Variants in MYO3A observed in about 807,000 individuals in gnomAD.
MYO3A encodes myosin-IIIa.
A neutral mutation model predicts 192.7 loss-of-function variants in MYO3A; 180 were observed. That is an observed-to-expected ratio of 0.93 (90% CI 0.83 to 1.06). MYO3A has a LOEUF of 1.06. Among genes scored for constraint, MYO3A ranks in the 50% least tolerant of loss-of-function variants. MYO3A has a pLI of 0.00. For missense variants in MYO3A, 1,896 were observed against 1,905.0 expected (o/e 1.00, Z 0.09); for synonymous variants, 628 against 645.3 (o/e 0.97, Z 0.41).
chr10:25,934,866 G>GT (rs1294542528), intron 1 of MYO3A, among the ~76,000 whole-genome samples: 1 of 152,070 alleles, frequency 6.6e-6, no homozygotes, highest in Non-Finnish European at 1.5e-5. Flanking sequence ...GAAGGGTGGC[G>GT]TAAGGGGTGA....
At chr10:26,022,099 A>T (rs1338825964) in intron 8 of MYO3A, 1 of 153,284 alleles carries the variant, frequency 6.5e-6, no homozygotes, top group Non-Finnish European at 1.5e-5. Context: ...CCAGAAAATA[A>T]TGGTTTTAAA....
intron 10 of MYO3A, among the ~76,000 whole-genome samples, chr10:26,059,432 T>C (rs1421192314): frequency 6.6e-6 from 1 of 152,224 alleles, no homozygotes; most frequent in Non-Finnish European, 1.5e-5. Flanking sequence ...CTGCATCTAT[T>C]GATATGATCA....
At chr10:26,144,477 C>A (rs188741038) in intron 21 of MYO3A, among the ~76,000 whole-genome samples, 14 of 151,516 alleles carry the variant, frequency 9.2e-5, no homozygotes, top group Admixed American at 8.6e-4. Flanking sequence ...AAACTGACCC[C>A]AAAGTGGTGG....
At chr10:26,126,791 T>C (rs1839244547) in intron 19 of MYO3A, among the ~76,000 whole-genome samples, 1 of 152,134 alleles carries the variant, frequency 6.6e-6, no homozygotes, top group African/African-American at 2.4e-5. Context: ...CACTGTAGCC[T>C]ATGTACTAAA....
At chr10:26,175,444 G>T (rs1182672887) in intron 30 of MYO3A, among the ~76,000 whole-genome samples, 1 of 152,150 alleles carries the variant, frequency 6.6e-6, no homozygotes, top group Admixed American at 6.5e-5. Flanking sequence ...GTAATCAATG[G>T]TGTATGAAGT....
chr10:26,095,728 C>G (rs137932320), intron 15 of MYO3A, among the ~76,000 whole-genome samples: 250 of 152,296 alleles, frequency 1.6e-3, no homozygotes, highest in African/African-American at 5.9e-3. Context: ...CTGGAAAATG[C>G]TAGTTATGCT....
chr10:26,003,921 TA>T (rs1194152065), intron 6 of MYO3A, among the ~76,000 whole-genome samples: 1 of 152,164 alleles, frequency 6.6e-6, no homozygotes, highest in Non-Finnish European at 1.5e-5. Flanking sequence ...CCCCAATGCA[TA>T]ATGTAGGTCA....
At chr10:26,120,087 C>T (rs1457519406) in intron 17 of MYO3A, among the ~76,000 whole-genome samples, 1 of 151,972 alleles carries the variant, frequency 6.6e-6, no homozygotes, top group South Asian at 2.1e-4. Context: ...TCACTTCAGC[C>T]CAGGAGGCAG....
At chr10:26,096,759 GA>G in intron 17 of MYO3A, 77 bp downstream of exon 17, 1 of 994,736 alleles carries the variant, frequency 1.0e-6, no homozygotes, top group Non-Finnish European at 1.6e-6. Flanking sequence ...TTTATTGAGT[GA>G]TTAATATATA....
At chr10:26,147,146 A>G (rs1228834119) in intron 22 of MYO3A, among the ~76,000 whole-genome samples, 2 of 152,208 alleles carry the variant, frequency 1.3e-5, no homozygotes, top group Non-Finnish European at 1.5e-5. Context: ...AAACAGAGAA[A>G]AGAAACATAC....
intron 18 of MYO3A, 77 bp from the exon 19 acceptor site, chr10:26,125,321 G>A: frequency 7.6e-7 from 1 of 1,311,788 alleles, no homozygotes; most frequent in Non-Finnish European, 1.1e-6. Flanking sequence ...GAAGAAGGCA[G>A]ATTAAGACAT....
chr10:26,108,471 G>A (rs763237560), intron 17 of MYO3A, among the ~76,000 whole-genome samples: 1 of 152,180 alleles, frequency 6.6e-6, no homozygotes, highest in Non-Finnish European at 1.5e-5. Context: ...GTGTAGAAAT[G>A]CTAATAGACG....
intron 14 of MYO3A, among the ~76,000 whole-genome samples, chr10:26,074,620 A>G (rs1835416628): frequency 6.8e-6 from 1 of 148,092 alleles, no homozygotes; most frequent in Admixed American, 6.8e-5. Context: ...TTAATTATAT[A>G]TACAATAATG....
At chr10:26,067,164 T>C (rs938460393) in intron 11 of MYO3A, 90 bp downstream of exon 11, 1 of 840,448 alleles carries the variant, frequency 1.2e-6, no homozygotes, top group East Asian at 2.6e-5. Context: ...GGAAGGAATA[T>C]ATAGATTATG....
chr10:26,013,317 TAATC>T (rs144610650), intron 6 of MYO3A, among the ~76,000 whole-genome samples: 9,715 of 151,048 alleles, frequency 0.064, 398 homozygotes, highest in Non-Finnish European at 0.094. Context: ...GCAGAATAAA[TAATC>T]AACGGAATAA....
intron 17 of MYO3A, among the ~76,000 whole-genome samples, chr10:26,104,065 A>C: frequency 6.6e-6 from 1 of 151,918 alleles, no homozygotes; most frequent in East Asian, 1.9e-4. Flanking sequence ...GAGTTGTAGA[A>C]ATTTTTTATA....
chr10:26,170,318 C>T (rs1841979338), intron 28 of MYO3A, 98 bp from the exon 29 acceptor site: 3 of 1,355,080 alleles, frequency 2.2e-6, no homozygotes. Flanking sequence ...TTATTTTCCT[C>T]TTTGACATCA....
At chr10:25,988,365 TA>T (rs146338907) in intron 4 of MYO3A, among the ~76,000 whole-genome samples, 14,442 of 151,700 alleles carry the variant, frequency 0.095, 1,209 homozygotes, top group African/African-American at 0.22. Context: ...TATTGAAATT[TA>T]AAAAAAATTT....
chr10:26,111,967 A>G (rs1158072924), intron 17 of MYO3A, among the ~76,000 whole-genome samples: 3 of 152,140 alleles, frequency 2.0e-5, no homozygotes, highest in African/African-American at 4.8e-5. Flanking sequence ...AGAGTTTGCT[A>G]TCTTAGAAGC....
Sources: allele counts gnomAD v4.1 joint callset (sites outside exome capture counted in the v4.1 genomes callset), GRCh38; gene constraint gnomAD v4.1.1; transcripts MANE v1.5; gene names NCBI Gene and HGNC (gene_info 2026-07-23, HGNC 2026-07-21).